ZNF407: variants seen among roughly 807,000 people sequenced by gnomAD.
The protein encoded by ZNF407 is zinc finger protein 407.
Under a neutral mutation model 131.2 loss-of-function variants are expected in ZNF407, and 17 were observed. The ratio of observed to expected loss-of-function variants is 0.13; its 90% CI spans 0.09 to 0.19. The LOEUF (loss-of-function observed/expected upper bound fraction) is 0.19, where lower values mean the gene tolerates loss of function less well. ZNF407 is among the 10% of genes least tolerant of loss of function. The pLI is 1.00. For missense variants in ZNF407, 2,681 were observed against 2,830.6 expected (o/e 0.95, Z 1.20); for synonymous variants, 1,156 against 1,062.0 (o/e 1.09, Z -1.72).
chr18:74,740,944 G>C (rs1289400777), intron 3 of ZNF407, among the ~76,000 whole-genome samples: 1 of 152,122 alleles, frequency 6.6e-6, no homozygotes, highest in Non-Finnish European at 1.5e-5. Context: ...AATCAGCTCG[G>C]TACCAGTTTT....
intron 7 of ZNF407, among the ~76,000 whole-genome samples, chr18:74,917,831 A>G (rs1971793343): frequency 6.6e-6 from 1 of 152,204 alleles, no homozygotes; most frequent in South Asian, 2.1e-4. Flanking sequence ...CATGCCTAGC[A>G]TTTTACATAA....
At chr18:74,676,582 G>A (rs968461445) in intron 3 of ZNF407, among the ~76,000 whole-genome samples, 52 of 150,946 alleles carry the variant, frequency 3.4e-4, no homozygotes, top group South Asian at 4.2e-4. Context: ...GACTACAGGC[G>A]CCCACCACCG....
At position 74,672,872 on chromosome 18, in the gene ZNF407, C is replaced by T. The variant is rs77019399; in HGVS notation, c.4802+31750C>T. ...ACAGACATTTAATTTGTGCTCCCTA[C>T]CCATTATGTTCTTCGATCAAGCCTC... On this transcript the variant is annotated intron_variant, in intron 3 of 8. Coordinates refer to ENST00000299687, the MANE Select transcript of ZNF407 (RefSeq NM_017757.3). 7.0e-4 allele frequency among the ~76,000 whole-genome samples: 107 copies of T among 152,240 alleles called. No homozygotes were observed. The East Asian group carries it at 9.3e-3, about 13-fold the overall frequency.
At chr18:75,003,656 A>G (rs1972873628) in intron 8 of ZNF407, among the ~76,000 whole-genome samples, 1 of 152,254 alleles carries the variant, frequency 6.6e-6, no homozygotes, top group African/African-American at 2.4e-5. Context: ...GAATGTAAGC[A>G]TGTTCAGGAG....
chr18:74,644,528 G>A (rs555745147), intron 3 of ZNF407, among the ~76,000 whole-genome samples: 2 of 151,832 alleles, frequency 1.3e-5, no homozygotes, highest in Non-Finnish European at 3.0e-5. Context: ...TAGGCACCAT[G>A]TCTTGTTAAA....
intron 8 of ZNF407, among the ~76,000 whole-genome samples, chr18:75,060,787 C>G (rs905719010): frequency 2.2e-4 from 34 of 152,310 alleles, no homozygotes; most frequent in Middle Eastern, 3.4e-3. Context: ...TGACAGGCGT[C>G]GGCCACCGCG....
At chr18:74,670,107 C>T (rs1270027370) in intron 3 of ZNF407, among the ~76,000 whole-genome samples, 1 of 152,196 alleles carries the variant, frequency 6.6e-6, no homozygotes, top group Non-Finnish European at 1.5e-5. Context: ...AACATGTTCA[C>T]ATCACCAGAG....
intron 4 of ZNF407, among the ~76,000 whole-genome samples, chr18:74,858,266 TA>T (rs1970888276): frequency 6.6e-6 from 1 of 151,686 alleles, no homozygotes; most frequent in Admixed American, 6.6e-5. Context: ...TTTCTGTAAA[TA>T]TTTTTTATTT....
intron 4 of ZNF407, among the ~76,000 whole-genome samples, chr18:74,857,009 C>T (rs1209978021): frequency 6.6e-6 from 1 of 152,114 alleles, no homozygotes; most frequent in Non-Finnish European, 1.5e-5. Context: ...AGAAGGCACT[C>T]GTTAATTAGA....
At chr18:74,774,719 T>C (rs1199673880) in intron 3 of ZNF407, among the ~76,000 whole-genome samples, 1 of 152,188 alleles carries the variant, frequency 6.6e-6, no homozygotes, top group Non-Finnish European at 1.5e-5. Flanking sequence ...GAAGGAGACG[T>C]GACGAAACAC....
chr18:74,797,813 ATTT>A (rs200887738), intron 4 of ZNF407, among the ~76,000 whole-genome samples: 2 of 141,084 alleles, frequency 1.4e-5, no homozygotes. Context: ...GCTGCAAGGC[ATTT>A]TTTTTTTTTT....
intron 8 of ZNF407, among the ~76,000 whole-genome samples, chr18:74,968,873 C>A (rs1199774002): frequency 6.6e-6 from 1 of 152,104 alleles, no homozygotes; most frequent in East Asian, 1.9e-4. Context: ...TGCAGCCCCT[C>A]CTCCTCCTTT....
At chr18:74,732,537 G>C (rs1968317613) in intron 3 of ZNF407, among the ~76,000 whole-genome samples, 1 of 152,192 alleles carries the variant, frequency 6.6e-6, no homozygotes, top group Admixed American at 6.5e-5. Flanking sequence ...GGAAGGGCAT[G>C]GATGCTAGTT....
chr18:75,038,878 A>G (rs1290186171), intron 8 of ZNF407, among the ~76,000 whole-genome samples: 1 of 152,236 alleles, frequency 6.6e-6, no homozygotes, highest in African/African-American at 2.4e-5. Flanking sequence ...CTGAATAAAC[A>G]GGGGCTGTTA....
At position 74,658,338 on chromosome 18, in the gene ZNF407, T is replaced by C. The variant is rs538926238; in HGVS notation, c.4802+17216T>C. Among the ~76,000 whole-genome samples, 42 of 152,180 alleles carry C rather than the reference T, an allele frequency of 2.8e-4. No homozygotes were observed. In the South Asian group the frequency reaches 4.8e-3, roughly 17 times the overall value. On this transcript the variant is annotated intron_variant, in intron 3 of 8. Transcript: ENST00000299687. ...TTCACCATGTTGGCCAGGCTGGTCT[T>C]GAACTCCTGACCTCGTGATCTGCCC...
intron 1 of ZNF407, among the ~76,000 whole-genome samples, chr18:74,626,718 C>T (rs1478095595): frequency 6.6e-6 from 1 of 152,198 alleles, no homozygotes; most frequent in African/African-American, 2.4e-5. Context: ...GAACATGCTA[C>T]TCACACATGC....
chr18:74,944,163 T>G (rs1158855329), intron 8 of ZNF407, among the ~76,000 whole-genome samples: 1 of 152,210 alleles, frequency 6.6e-6, no homozygotes, highest in African/African-American at 2.4e-5. Flanking sequence ...AGGCACCTAC[T>G]CAAAATGTAA....
At chr18:74,917,684 T>A (rs1971791700) in intron 7 of ZNF407, among the ~76,000 whole-genome samples, 1 of 152,250 alleles carries the variant, frequency 6.6e-6, no homozygotes, top group South Asian at 2.1e-4. Context: ...CCAAGTTATC[T>A]CTTTCTTCCC....
intron 1 of ZNF407, among the ~76,000 whole-genome samples, chr18:74,620,011 T>A (rs1983450760): frequency 8.1e-6 from 1 of 123,448 alleles, no homozygotes; most frequent in South Asian, 3.0e-4. Flanking sequence ...TCCCCTTTTT[T>A]CTATCCCAAT....
Sources: allele counts gnomAD v4.1 joint callset (sites outside exome capture counted in the v4.1 genomes callset), GRCh38; gene constraint gnomAD v4.1.1; transcripts MANE v1.5; gene names NCBI Gene and HGNC (gene_info 2026-07-23, HGNC 2026-07-21).